The following MLH3 variants were observed in gnomAD, a reference collection of about 807,000 sequenced individuals.
The protein encoded by MLH3 is mutL homolog 3.
Under a neutral mutation model 122.2 loss-of-function variants are expected in MLH3, and 82 were observed. The ratio of observed to expected loss-of-function variants is 0.67; its 90% CI spans 0.56 to 0.81. The LOEUF is 0.81. MLH3 is among the 30% of genes least tolerant of loss of function. The pLI is 0.00. For missense variants in MLH3, 1,539 were observed against 1,714.5 expected (o/e 0.90, Z 1.81); for synonymous variants, 524 against 599.5 (o/e 0.87, Z 1.84).
rs1889892790 is a variant in MLH3, at chr14:75,016,475, CT to C, written c.*606del. On this transcript the variant is annotated 3_prime_UTR_variant, in exon 13 of 13. Coordinates refer to ENST00000355774, the MANE Select transcript of MLH3 (RefSeq NM_001040108.2). ...AAATTTTCTCTGTTCTATCCTTGTC[CT>C]TTTTATCAATAGTTTTTATCCCTAA... 5.3e-6 allele frequency: 1 copy of C among 189,716 alleles called. No individual in the cohort carries two copies. The highest frequency in any genetic ancestry group is 1.1e-5 in the Non-Finnish European group (1 of 90,290). The allele number at this position is 189,716 out of a possible 1,614,324, so 11.8% of individuals were successfully genotyped here.
chr14:75,047,496 A>G lies in MLH3; in HGVS notation c.2160T>C (p.Tyr720=). The G allele has an allele frequency of 1.9e-6, 3 of 1,614,156 alleles. No individual in the cohort carries two copies. The highest frequency in any genetic ancestry group is 2.2e-5 in the South Asian group (2 of 91,086). ...TCCTACTATCATTGGAAACGTGTCT[A>G]TACCAGGGGAAAGAGGGGGATGTAT... ...LSDTSPSFPW[Y]RHVSNDSRKT... is the part of the protein sequence containing the mutation. The change falls in exon 2 of 13, where the codon TAT becomes TAC. Residue 720 remains tyrosine, a synonymous_variant. Transcript: ENST00000355774.
In MLH3 at chr14:75,015,877, G is replaced by A. The variant is rs1889858234; in HGVS notation, c.*1205C>T. 1 of 228,838 alleles carries A rather than the reference G, an allele frequency of 4.4e-6. No homozygotes were observed. The allele number at this position is 228,838 out of a possible 1,614,324, so 14.2% of individuals were successfully genotyped here. On this transcript the variant is annotated 3_prime_UTR_variant, in exon 13 of 13. Transcript: ENST00000355774. The stretch of plus-strand genomic sequence containing the variant: ...GAATTGGTTTCCTGTATTAAAAAAT[G>A]AGGAAAATCATTCAATTGATATAAA...
Position 75,046,276 on chromosome 14 carries a change from T to C in MLH3, c.3280+100A>G, listed in dbSNP as rs186402825. 4.2e-4 allele frequency: 511 copies of C among 1,209,302 alleles called. 1 individual carries two copies. In the African/African-American group the frequency reaches 7.7e-3, roughly 18 times the overall value. The allele number at this position is 1,209,302 out of a possible 1,614,324, so 74.9% of individuals were successfully genotyped here. ...TTTATAAGTGGTCTTCAAAATGTTC[T>C]ATCTGTTGAGATAATCTCTTTGGAT... On this transcript the variant is annotated intron_variant, in intron 2 of 12. Coordinates refer to ENST00000355774, the MANE Select transcript of MLH3 (RefSeq NM_001040108.2).
chr14:75,034,003 G>A, intron 6 of MLH3, among the ~76,000 whole-genome samples: 1 of 151,966 alleles, frequency 6.6e-6, no homozygotes, highest in East Asian at 1.9e-4. Context: ...GATCATCCTG[G>A]CCAACATGGT....
chr14:75,022,790 T>A (rs1326609707), intron 11 of MLH3, 24 bp downstream of exon 11: 1 of 1,608,834 alleles, frequency 6.2e-7, no homozygotes, highest in Non-Finnish European at 8.5e-7. Context: ...AGGTGTTTGA[T>A]CACTGCTATG....
In MLH3 at chr14:75,016,509, A is replaced by C. The variant is rs1889894463; in HGVS notation, c.*573T>G. 5.3e-6 allele frequency: 1 copy of C among 188,018 alleles called. No homozygotes were observed. Among genetic ancestry groups the C allele is most frequent in the African/African-American group, 2.3e-5 (1 of 42,592 alleles). The allele number at this position is 188,018 out of a possible 1,614,324, so 11.6% of individuals were successfully genotyped here. ...AATAGTTTTTATCCCTAAAATAACT[A>C]AAGGCCTGATGAAAGACCCTAGAGA... On this transcript the variant is annotated 3_prime_UTR_variant, in exon 13 of 13. Transcript: ENST00000355774.
intron 12 of MLH3, among the ~76,000 whole-genome samples, chr14:75,017,944 G>A (rs1024511827): frequency 2.6e-5 from 4 of 151,510 alleles, no homozygotes; most frequent in Non-Finnish European, 5.9e-5. Flanking sequence ...TCGGGAGTTC[G>A]AGACCAGCCT....
In MLH3 at chr14:75,038,422, ATTCAAATAAG is replaced by A; in HGVS notation, c.3571-20_3571-11del. The A allele has an allele frequency of 1.9e-6, 3 of 1,578,460 alleles. No homozygotes were observed. Among genetic ancestry groups the A allele is most frequent in the Non-Finnish European group, 2.6e-6 (3 of 1,147,838 alleles). ...CTACTTGCTGGAGAACCTGTCAGACATTCAAATAAGTGGTACAACACTAAATAAAAATTAA... is the reference window on the plus strand; with the variant it reads ...CTACTTGCTGGAGAACCTGTCAGACATGGTACAACACTAAATAAAAATTAA... On this transcript the variant is annotated splice_polypyrimidine_tract_variant and intron_variant, in intron 5 of 12. Transcript: ENST00000355774.
rs903733621 is a variant in MLH3 at position 75,049,501 on chromosome 14, A to G, written c.155T>C (p.Val52Ala). The G allele has an allele frequency of 1.9e-6, 3 of 1,614,068 alleles. No individual in the cohort carries two copies. In the African/African-American group the frequency reaches 4.0e-5, roughly 22 times the overall value. The stretch of plus-strand genomic sequence containing the variant: ...CCCAAATCCATTGTCTATCACTTGA[A>G]CTTGGAAGGTTTCCATATTCACCCT... The part of the protein sequence containing the change: ...AVRVNMETFQ[V>A]QVIDNGFGMG... Residue 52 changes from valine to alanine, a missense_variant, in exon 2 of 13, where the codon GTT becomes GCT. Transcript: ENST00000355774.
In MLH3 at chr14:75,032,041, A is replaced by G. The variant is rs374250996; in HGVS notation, c.3827+27T>C. On this transcript the variant is annotated intron_variant, in intron 8 of 12. Coordinates refer to ENST00000355774, the MANE Select transcript of MLH3 (RefSeq NM_001040108.2). Reference sequence around the variant, plus strand: ...ATTATTGTGAGAATTGATACCATCAACATCACATTCTCATGGTGGTACTGA... The same window carrying G: ...ATTATTGTGAGAATTGATACCATCAGCATCACATTCTCATGGTGGTACTGA... 6.7e-5 allele frequency: 85 copies of G among 1,269,632 alleles called. No individual in the cohort carries two copies. The African/African-American group carries it at 1.2e-3, about 17-fold the overall frequency. 78.6% of individuals were successfully genotyped at this position (1,269,632 alleles called of 1,614,324 possible). A position where few individuals can be genotyped will look rare whatever the true frequency, so the allele number is the denominator to read the frequency against.
intron 12 of MLH3, among the ~76,000 whole-genome samples, chr14:75,018,241 A>G (rs1158144700): frequency 1.3e-5 from 2 of 152,158 alleles, no homozygotes; most frequent in Admixed American, 1.3e-4. Flanking sequence ...TATAACAAGG[A>G]CAGAAGTTCT....
intron 9 of MLH3, among the ~76,000 whole-genome samples, chr14:75,023,876 T>C (rs1890448102): frequency 6.6e-6 from 1 of 152,260 alleles, no homozygotes; most frequent in Non-Finnish European, 1.5e-5. Flanking sequence ...CCTTCATCTA[T>C]ACTCTAGTCT....
intron 9 of MLH3, among the ~76,000 whole-genome samples, chr14:75,023,722 GA>G (rs980975419): frequency 9.9e-5 from 15 of 152,054 alleles, no homozygotes; most frequent in Non-Finnish European, 2.1e-4. Context: ...GAGGTAAAAA[GA>G]AAAAAACCTG....
chr14:75,023,065 C>T, intron 9 of MLH3, 47 bp from the exon 10 acceptor site: 2 of 1,608,132 alleles, frequency 1.2e-6, no homozygotes, highest in Non-Finnish European at 1.7e-6. Context: ...TTATGTTTTA[C>T]TTGCCCTTTG....
chr14:75,046,401 C>G lies in MLH3; in HGVS notation c.3255G>C (p.Val1085=), dbSNP rs1489117432. Residue 1085 remains valine, a synonymous_variant, in exon 2 of 13, where the codon GTG becomes GTC. Transcript: ENST00000355774. The part of the protein sequence containing the change: ...QAACTKDLTT[V]AVDVVLENGS... ...CATTCTCAAGTACAACATCCACAGC[C>G]ACAGTTGTCAGGTCTTTAGTACAAG... is the stretch of plus-strand genomic sequence containing the variant. The G allele has an allele frequency of 1.2e-6, 2 of 1,614,186 alleles. No individual in the cohort carries two copies. The highest frequency in any genetic ancestry group is 8.5e-7 in the Non-Finnish European group (1 of 1,180,030).
chr14:75,030,803 C>T (rs2139390475), intron 8 of MLH3, 101 bp from the exon 9 acceptor site: 1 of 978,142 alleles, frequency 1.0e-6, no homozygotes, highest in Non-Finnish European at 1.6e-6. Context: ...CAAAAGCTGC[C>T]ACAGGGCTTA....
At chr14:75,019,578 C>T (rs1486315705) in intron 11 of MLH3, among the ~76,000 whole-genome samples, 1 of 152,086 alleles carries the variant, frequency 6.6e-6, no homozygotes. Context: ...ATCTGGCTTT[C>T]AGAGTTTTTC....
At position 75,040,449 on chromosome 14, in the gene MLH3, C is replaced by CAAAAAAAAAAAAA. The variant is rs36233766; in HGVS notation, c.3466-447_3466-435dup. 9.3e-4 allele frequency among the ~76,000 whole-genome samples: 33 copies of CAAAAAAAAAAAAA among 35,598 alleles called. 7 individuals carry two copies. Among genetic ancestry groups the CAAAAAAAAAAAAA allele is most frequent in the Non-Finnish European group, 1.0e-3 (20 of 19,994 alleles). 23.4% of individuals were successfully genotyped at this position (35,598 alleles called of 152,430 possible). On this transcript the variant is annotated intron_variant, in intron 4 of 12. Transcript: ENST00000355774. ...TGGGCGACACAGCAAGACTCTGTCACAAAAAAAAAAAAAAAAAAAAAAAAA... is the reference window on the plus strand; with the variant it reads ...TGGGCGACACAGCAAGACTCTGTCACAAAAAAAAAAAAAAAAAAAAAAAAAAAAAAAAAAAAAA...
chr14:75,025,477 C>T (rs2139345835), intron 9 of MLH3, among the ~76,000 whole-genome samples: 1 of 152,306 alleles, frequency 6.6e-6, no homozygotes, highest in South Asian at 2.1e-4. Context: ...TCCTCCCTCT[C>T]TAACCAAGTA....
Sources: gnomAD v4.1 joint callset for allele counts (sites outside exome capture counted in the v4.1 genomes callset) on GRCh38, gnomAD v4.1.1 for gene constraint, MANE v1.5 for transcripts, NCBI Gene and HGNC (gene_info 2026-07-23, HGNC 2026-07-21) for gene names.